Variants in PRR14L observed in about 807,000 individuals in gnomAD.
The protein encoded by PRR14L is proline rich 14 like.
PRR14L carries 80 observed loss-of-function variants against 155.0 expected under a neutral mutation model. That is an observed-to-expected ratio of 0.52 (90% confidence interval 0.43 to 0.62). The LOEUF is 0.62. PRR14L is among the 20% of genes least tolerant of loss of function. The pLI, the probability that PRR14L is intolerant of heterozygous loss-of-function variation, is 0.00. For missense variants in PRR14L, 2,469 were observed against 2,548.0 expected (o/e 0.97, Z 0.67); for synonymous variants, 883 against 916.0 (o/e 0.96, Z 0.65).
intron 2 of PRR14L, 146 bp from the exon 3 acceptor site, chr22:31,725,756 C>T (rs940467146): frequency 5.2e-6 from 3 of 581,090 alleles, no homozygotes; most frequent in South Asian, 2.4e-5. Context: ...GCAACATCCA[C>T]CTCCAAGGTT....
intron 1 of PRR14L, 123 bp downstream of exon 1, chr22:31,749,870 C>T (rs1024208184): frequency 2.6e-5 from 4 of 152,462 alleles, no homozygotes; most frequent in Non-Finnish European, 5.9e-5. Flanking sequence ...TGGTTCCTTT[C>T]CGCGCCCCGA....
chr22:31,711,723 G>A (rs2074623284), intron 4 of PRR14L, among the ~76,000 whole-genome samples: 2 of 148,618 alleles, frequency 1.3e-5, no homozygotes, highest in Non-Finnish European at 3.0e-5. Flanking sequence ...GGCGGAGGTT[G>A]CGGTAAGCCG....
Position 31,704,579 on chromosome 22 carries a change from C to T in PRR14L, c.5828+76G>A. 7.5e-6 allele frequency: 9 copies of T among 1,203,140 alleles called. No individual in the cohort carries two copies. The South Asian group carries it at 1.0e-4, about 14-fold the overall frequency. 74.5% of individuals were successfully genotyped at this position (1,203,140 alleles called of 1,614,324 possible). A position where few individuals can be genotyped will look rare whatever the true frequency, so the allele number is the denominator to read the frequency against. On this transcript the variant is annotated intron_variant, in intron 5 of 8. Coordinates refer to ENST00000327423, the MANE Select transcript of PRR14L (RefSeq NM_173566.3). ...AAAGTCATGCCACAGACGATCCACACCACCTATGTATGCACTCTCTCTCTT... is the reference window on the plus strand; with the variant it reads ...AAAGTCATGCCACAGACGATCCACATCACCTATGTATGCACTCTCTCTCTT...
At chr22:31,709,313 C>T (rs112278697) in intron 4 of PRR14L, among the ~76,000 whole-genome samples, 5,344 of 150,448 alleles carry the variant, frequency 0.036, 119 homozygotes, top group South Asian at 0.065. Flanking sequence ...AGTGCGATGG[C>T]ACGATCTTGG....
intron 3 of PRR14L, among the ~76,000 whole-genome samples, chr22:31,720,672 T>C (rs1268678491): frequency 6.6e-6 from 1 of 152,184 alleles, no homozygotes; most frequent in South Asian, 2.1e-4. Context: ...GAAGCGAAGG[T>C]TGCAGTGAGC....
chr22:31,738,965 A>G (rs1211740438), intron 1 of PRR14L, 54 bp from the exon 2 acceptor site: 1 of 778,950 alleles, frequency 1.3e-6, no homozygotes, highest in Non-Finnish European at 2.0e-6. Flanking sequence ...AGGTTAGAAG[A>G]AGGCTGCCTC....
rs138917049 is a variant in PRR14L, at chr22:31,700,334, T to C, written c.6107+1322A>G. ...AATCCTATTTCATTCGAGTAATAAATACTACCCGATCTCGGATATCTGAAA... is the reference window on the plus strand; with the variant it reads ...AATCCTATTTCATTCGAGTAATAAACACTACCCGATCTCGGATATCTGAAA... On this transcript the variant is annotated intron_variant, in intron 7 of 8. Transcript: ENST00000327423. Among the ~76,000 whole-genome samples the C allele has an allele frequency of 3.0e-4, 45 of 152,306 alleles. No homozygotes were observed. The East Asian group carries it at 7.1e-3, about 24-fold the overall frequency.
At chr22:31,725,434 G>A in intron 3 of PRR14L, 104 bp downstream of exon 3, 1 of 743,190 alleles carries the variant, frequency 1.3e-6, no homozygotes, top group Non-Finnish European at 2.3e-6. Context: ...CACCTTACAA[G>A]GCAAGGACTT....
chr22:31,741,385 C>T (rs1331241229), intron 1 of PRR14L, among the ~76,000 whole-genome samples: 4 of 151,860 alleles, frequency 2.6e-5, no homozygotes, highest in Admixed American at 1.3e-4. Flanking sequence ...TCGCTTGAAC[C>T]TGGGAGGCAG....
chr22:31,712,055 T>A, intron 4 of PRR14L, 28 bp downstream of exon 4: 1 of 1,561,662 alleles, frequency 6.4e-7, no homozygotes, highest in Non-Finnish European at 8.7e-7. Flanking sequence ...ATATGGGACA[T>A]TTGTAAAGAA....
Position 31,682,575 on chromosome 22 carries a change from C to A in PRR14L, c.*2952G>T, listed in dbSNP as rs1316202609. 1 of 151,852 alleles carries A rather than the reference C, an allele frequency of 6.6e-6. No homozygotes were observed. Among genetic ancestry groups the A allele is most frequent in the Non-Finnish European group, 1.5e-5 (1 of 68,034 alleles). The allele number at this position is 151,852 out of a possible 1,614,324, so 9.4% of individuals were successfully genotyped here. A position where few individuals can be genotyped will look rare whatever the true frequency, so the allele number is the denominator to read the frequency against. ...ACGCGGAGGGAGAAGGCAAACACAG[C>A]TAGAAACTGAAAGATGGAAAAAAAA... On this transcript the variant is annotated 3_prime_UTR_variant, in exon 9 of 9. Coordinates refer to ENST00000327423, the MANE Select transcript of PRR14L (RefSeq NM_173566.3).
intron 7 of PRR14L, among the ~76,000 whole-genome samples, chr22:31,693,373 A>G (rs2074520531): frequency 6.6e-6 from 1 of 152,190 alleles, no homozygotes; most frequent in South Asian, 2.1e-4. Flanking sequence ...ACTCAGTAGT[A>G]AGCATTTAAG....
chr22:31,685,393 G>A lies in PRR14L; in HGVS notation c.*134C>T, dbSNP rs2074477146. On this transcript the variant is annotated 3_prime_UTR_variant, in exon 9 of 9. Coordinates refer to ENST00000327423, the MANE Select transcript of PRR14L (RefSeq NM_173566.3). ...AAATAGGTAAAAATTCATGGACTGT[G>A]CATTTTTGAGTGGTTTGGCGGTAGG... The A allele has an allele frequency of 1.4e-6, 1 of 697,862 alleles. No individual in the cohort carries two copies. 43.2% of individuals were successfully genotyped at this position (697,862 alleles called of 1,614,324 possible).
Position 31,714,744 on chromosome 22 carries a change from T to C in PRR14L, c.3095A>G (p.Lys1032Arg), listed in dbSNP as rs1047927628. ...NNSLPCGSPK[K>R]CNLKGAFVKM... ...GACAAAGGCTCCTTTCAAATTGCATTTCTTTGGACTACCACAAGGTAGTGA... is the reference window on the plus strand; with the variant it reads ...GACAAAGGCTCCTTTCAAATTGCATCTCTTTGGACTACCACAAGGTAGTGA... The change falls in exon 4 of 9, where the codon AAA becomes AGA. Residue 1032 changes from lysine (K) to arginine (R), a missense_variant. Lys to Arg is a conservative substitution (Grantham distance 26). Around this residue, in one of 2 missense-constraint regions of PRR14L, gnomAD observed 2,363 missense variants for 2,371.6 expected, o/e 1.00. Coordinates refer to ENST00000327423, the MANE Select transcript of PRR14L (RefSeq NM_173566.3). The C allele has an allele frequency of 2.6e-6, 4 of 1,552,250 alleles. No homozygotes were observed. The highest frequency in any genetic ancestry group is 3.5e-6 in the Non-Finnish European group (4 of 1,147,150).
At chr22:31,736,442 T>C (rs887885933) in intron 2 of PRR14L, among the ~76,000 whole-genome samples, 1 of 151,710 alleles carries the variant, frequency 6.6e-6, no homozygotes, top group Non-Finnish European at 1.5e-5. Flanking sequence ...GTTCAAATGT[T>C]ACTTAATGCT....
At chr22:31,740,570 A>G (rs2074807405) in intron 1 of PRR14L, among the ~76,000 whole-genome samples, 1 of 151,834 alleles carries the variant, frequency 6.6e-6, no homozygotes, top group South Asian at 2.1e-4. Flanking sequence ...TATGTTGTCC[A>G]GGCTCGTCTC....
Position 31,713,085 on chromosome 22 carries a change from C to T in PRR14L, c.4754G>A (p.Ser1585Asn). Residue 1585 changes from serine to asparagine, a missense_variant, in exon 4 of 9, where the codon AGC (serine) becomes AAC (asparagine). Ser to Asn is a conservative substitution (Grantham distance 46). Around this residue, in one of 2 missense-constraint regions of PRR14L, gnomAD observed 2,363 missense variants for 2,371.6 expected, o/e 1.00. Transcript: ENST00000327423. ...CTGCTTTGGTATGTGACTAACCAAG[C>T]TCTTGGTAGGTGCTGTTTCAGGTTC... The part of the protein sequence containing the change: ...RLEPETAPTK[S>N]LVSHIPKQMS... 1 of 1,552,318 alleles carries T rather than the reference C, an allele frequency of 6.4e-7. No individual in the cohort carries two copies. Among genetic ancestry groups the T allele is most frequent in the Non-Finnish European group, 8.7e-7 (1 of 1,147,138 alleles).
intron 7 of PRR14L, among the ~76,000 whole-genome samples, chr22:31,694,780 AAAAAAG>A (rs949068333): frequency 1.3e-5 from 2 of 148,442 alleles, no homozygotes; most frequent in African/African-American, 2.5e-5. Context: ...AACAGAAAAA[AAAAAAG>A]AAAAAGAATA....
chr22:31,702,124 A>G (rs1303721881), intron 6 of PRR14L, among the ~76,000 whole-genome samples: 1 of 152,228 alleles, frequency 6.6e-6, no homozygotes, highest in Non-Finnish European at 1.5e-5. Flanking sequence ...TTAAATATAT[A>G]AAGTCCATCT....
Sources: allele counts gnomAD v4.1 joint callset (sites outside exome capture counted in the v4.1 genomes callset), GRCh38; gene constraint gnomAD v4.1.1; regional missense constraint gnomAD v4.1.1; transcripts MANE v1.5; gene names NCBI Gene and HGNC (gene_info 2026-07-23, HGNC 2026-07-21).